The following GRID2 variants were observed in gnomAD, a reference collection of about 807,000 sequenced individuals.
The protein encoded by GRID2 is glutamate ionotropic receptor delta type subunit 2, also known as glutamate receptor ionotropic, delta-2.
GRID2 carries 33 observed loss-of-function variants against 114.8 expected under a neutral mutation model. The ratio of observed to expected loss-of-function variants is 0.29; its 90% CI spans 0.22 to 0.38. The LOEUF is 0.38. Ranked by LOEUF, GRID2 falls within the 10% of genes least tolerant of loss-of-function variation. The pLI is 1.00. For synonymous variants in GRID2, 505 were observed against 449.9 expected (o/e 1.12, Z -1.55); for missense variants, 1,184 against 1,257.7 (o/e 0.94, Z 0.89).
intron 14 of GRID2, among the ~76,000 whole-genome samples, chr4:93,762,768 G>A (rs72875970): frequency 0.041 from 6,266 of 152,172 alleles, 419 homozygotes; most frequent in African/African-American, 0.14. Flanking sequence ...TCAGGAAAAA[G>A]CACAGGTTCA....
chr4:93,683,226 A>C (rs779383456), intron 14 of GRID2, among the ~76,000 whole-genome samples: 1 of 152,020 alleles, frequency 6.6e-6, no homozygotes, highest in East Asian at 1.9e-4. Flanking sequence ...CTTCTAAACT[A>C]TAACCCTGCT....
At chr4:92,783,989 T>G (rs1309354913) in intron 2 of GRID2, among the ~76,000 whole-genome samples, 1 of 152,110 alleles carries the variant, frequency 6.6e-6, no homozygotes, top group African/African-American at 2.4e-5. Context: ...TGCTTGCCAC[T>G]AAATCAATGT....
chr4:92,932,396 C>G (rs1455584504), intron 2 of GRID2, among the ~76,000 whole-genome samples: 1 of 151,196 alleles, frequency 6.6e-6, no homozygotes, highest in African/African-American at 2.4e-5. Context: ...CATGCACACA[C>G]ATTAACAATA....
rs184124279 is a variant in GRID2 at position 93,102,484 on chromosome 4, T to C, written c.530-8264T>C. Among the ~76,000 whole-genome samples, 151 of 152,220 alleles carry C rather than the reference T, an allele frequency of 9.9e-4. 1 individual carries two copies. The highest frequency in any genetic ancestry group is 3.2e-3 in the African/African-American group (132 of 41,560). ...TAGGGATGAATCAGAGGGTTATTTATGGGCTCCACTGCATACTGAAAACAT... is the reference window on the plus strand; with the variant it reads ...TAGGGATGAATCAGAGGGTTATTTACGGGCTCCACTGCATACTGAAAACAT... On this transcript the variant is annotated intron_variant, in intron 3 of 15. Transcript: ENST00000282020.
chr4:92,838,170 G>A (rs1014658874), intron 2 of GRID2, among the ~76,000 whole-genome samples: 1 of 152,042 alleles, frequency 6.6e-6, no homozygotes, highest in Non-Finnish European at 1.5e-5. Context: ...TCCCTGTGGA[G>A]ATATTAAGAA....
At chr4:92,411,647 G>A (rs1355781010) in intron 1 of GRID2, among the ~76,000 whole-genome samples, 223 of 87,008 alleles carry the variant, frequency 2.6e-3, no homozygotes, top group Non-Finnish European at 4.0e-3. Context: ...GTGTGTGTGT[G>A]TGTGTGTGTA....
intron 2 of GRID2, among the ~76,000 whole-genome samples, chr4:92,650,949 A>C (rs1312458694): frequency 6.6e-6 from 1 of 151,964 alleles, no homozygotes; most frequent in East Asian, 1.9e-4. Flanking sequence ...AGGTCATTTC[A>C]CTGTTCTGTC....
At chr4:93,061,103 AAAAT>A (rs58943728) in intron 2 of GRID2, among the ~76,000 whole-genome samples, 14,310 of 143,796 alleles carry the variant, frequency 0.1, 947 homozygotes, top group African/African-American at 0.18. Flanking sequence ...ACTCCATCTC[AAAAT>A]AAATAAATAA....
chr4:93,078,828 T>C (rs1729598447), intron 2 of GRID2, among the ~76,000 whole-genome samples: 1 of 146,978 alleles, frequency 6.8e-6, no homozygotes, highest in Admixed American at 6.8e-5. Flanking sequence ...CTAAATATAA[T>C]TATATTTAGT....
chr4:93,025,922 G>A (rs995646458), intron 2 of GRID2, among the ~76,000 whole-genome samples: 1 of 151,686 alleles, frequency 6.6e-6, no homozygotes, highest in Non-Finnish European at 1.5e-5. Context: ...ATGGAACCAA[G>A]TTAATCTGGA....
In GRID2 at chr4:93,769,569, G is replaced by C. The variant is rs915190477; in HGVS notation, c.2601+119G>C. ...GGTCCTTGTTTTTTCGTTTCTTGAA[G>C]ATTAAAAATAAAGTTGTGAAATATA... is the stretch of plus-strand genomic sequence containing the variant. On this transcript the variant is annotated intron_variant, in intron 15 of 15. Transcript: ENST00000282020. The C allele has an allele frequency of 4.6e-6, 4 of 860,812 alleles. No homozygotes were observed. In the Admixed American group the frequency reaches 1.0e-4, roughly 22 times the overall value. The allele number at this position is 860,812 out of a possible 1,614,324, so 53.3% of individuals were successfully genotyped here.
At chr4:92,497,935 C>T (rs191418388) in intron 1 of GRID2, among the ~76,000 whole-genome samples, 1 of 151,810 alleles carries the variant, frequency 6.6e-6, no homozygotes, top group East Asian at 1.9e-4. Flanking sequence ...TAAATCTTAG[C>T]TGCATAAGTA....
At chr4:93,482,503 G>A (rs1039534166) in intron 11 of GRID2, among the ~76,000 whole-genome samples, 2 of 151,754 alleles carry the variant, frequency 1.3e-5, no homozygotes, top group Non-Finnish European at 2.9e-5. Flanking sequence ...ACATGGACAC[G>A]GAGGGAAACA....
At chr4:93,223,995 G>A (rs1269918180) in intron 6 of GRID2, among the ~76,000 whole-genome samples, 3 of 152,026 alleles carry the variant, frequency 2.0e-5, no homozygotes, top group Non-Finnish European at 4.4e-5. Context: ...ATAGTTTATG[G>A]TATTTGTGAA....
chr4:92,572,302 C>T (rs755970477), intron 1 of GRID2, among the ~76,000 whole-genome samples: 33 of 151,972 alleles, frequency 2.2e-4, no homozygotes, highest in African/African-American at 5.1e-4. Flanking sequence ...ATAAATTCCT[C>T]GACACATACA....
At chr4:93,036,023 T>G (rs1332963394) in intron 2 of GRID2, among the ~76,000 whole-genome samples, 1 of 152,158 alleles carries the variant, frequency 6.6e-6, no homozygotes, top group Non-Finnish European at 1.5e-5. Flanking sequence ...GTTGATTCTT[T>G]GCCTAGTTTT....
intron 2 of GRID2, among the ~76,000 whole-genome samples, chr4:92,623,828 T>C (rs1488454646): frequency 6.6e-6 from 1 of 151,788 alleles, no homozygotes; most frequent in African/African-American, 2.4e-5. Flanking sequence ...ACTTTATGAA[T>C]GTAACTGATA....
intron 11 of GRID2, among the ~76,000 whole-genome samples, chr4:93,471,376 C>G (rs1227847432): frequency 1.3e-5 from 2 of 152,092 alleles, no homozygotes; most frequent in Non-Finnish European, 2.9e-5. Flanking sequence ...CCGTAACTCC[C>G]CTTCTAGTTT....
At chr4:93,620,645 G>A (rs1157737107) in intron 13 of GRID2, among the ~76,000 whole-genome samples, 1 of 152,144 alleles carries the variant, frequency 6.6e-6, no homozygotes, top group Non-Finnish European at 1.5e-5. Context: ...TTTTGAAAAT[G>A]CACTTTCCCA....
Sources: allele counts gnomAD v4.1 joint callset (sites outside exome capture counted in the v4.1 genomes callset), GRCh38; gene constraint gnomAD v4.1.1; transcripts MANE v1.5; gene names NCBI Gene and HGNC (gene_info 2026-07-23, HGNC 2026-07-21).